SLC35F4: variants seen among roughly 807,000 people sequenced by gnomAD.
The protein encoded by SLC35F4 is solute carrier family 35 member F4, also known as chromosome 14 open reading frame 36.
Under a neutral mutation model 44.2 loss-of-function variants are expected in SLC35F4, and 24 were observed. That is an observed-to-expected ratio of 0.54 (90% CI 0.39 to 0.76). The LOEUF (loss-of-function observed/expected upper bound fraction) is 0.76. Among genes scored for constraint, SLC35F4 ranks in the 30% least tolerant of loss-of-function variants. SLC35F4 has a pLI of 0.00. For synonymous variants in SLC35F4, 238 were observed against 223.6 expected, an observed-to-expected ratio of 1.06 and a Z score of -0.57; for missense variants, 562 against 586.1, an observed-to-expected ratio of 0.96 and a Z score of 0.42.
At chr14:57,743,170 A>T (rs1351838009) in intron 1 of SLC35F4, among the ~76,000 whole-genome samples, 1 of 152,228 alleles carries the variant, frequency 6.6e-6, no homozygotes, top group African/African-American at 2.4e-5. Context: ...GAACTAGAGA[A>T]TCAAGAGCAA....
intron 1 of SLC35F4, among the ~76,000 whole-genome samples, chr14:57,712,638 C>A (rs1277707362): frequency 6.6e-6 from 1 of 152,162 alleles, no homozygotes; most frequent in Non-Finnish European, 1.5e-5. Context: ...CAGTTAATTA[C>A]CTTCTTCATT....
chr14:57,595,494 A>C (rs2070437490), intron 1 of SLC35F4, among the ~76,000 whole-genome samples: 1 of 152,030 alleles, frequency 6.6e-6, no homozygotes, highest in African/African-American at 2.4e-5. Context: ...TGGTGTGGGG[A>C]AGAGAGGGTG....
chr14:57,876,251 CTG>C lies in SLC35F4; in HGVS notation n.282+105660_282+105661del, dbSNP rs200328581. ...CCACAACCAAGATGAAAAGGGAAACCTGTAAAGTTACGGCATTCTAACTTACC... is the reference window on the plus strand; with the variant it reads ...CCACAACCAAGATGAAAAGGGAAACCTAAAGTTACGGCATTCTAACTTACC... On this transcript the variant is annotated intron_variant and non_coding_transcript_variant, in intron 1 of 1. Transcript: ENST00000556568. 3.3e-5 allele frequency among the ~76,000 whole-genome samples: 5 copies of C among 152,252 alleles called. No homozygotes were observed. In the East Asian group the frequency reaches 9.6e-4, roughly 29 times the overall value.
intron 1 of SLC35F4, among the ~76,000 whole-genome samples, chr14:57,945,364 C>A (rs1890005184): frequency 2.0e-5 from 3 of 151,398 alleles, no homozygotes; most frequent in Admixed American, 6.6e-5. Flanking sequence ...GAAATGAATT[C>A]CCCCTGCAAT....
At chr14:57,779,098 C>G (rs1396957300) in intron 1 of SLC35F4, among the ~76,000 whole-genome samples, 1 of 151,546 alleles carries the variant, frequency 6.6e-6, no homozygotes, top group East Asian at 1.9e-4. Flanking sequence ...CCAAAGCTAG[C>G]AGAAGACAAA....
chr14:57,593,012 T>C lies in SLC35F4; in HGVS notation c.289+927A>G, dbSNP rs2070283906. On this transcript the variant is annotated intron_variant, in intron 2 of 7. Transcript: ENST00000556826. ...GCCAGAAGAGATGTAGGTAGGGCTATCATGGACACAGGTAGGGGGCTAAAA... is the reference window on the plus strand; with the variant it reads ...GCCAGAAGAGATGTAGGTAGGGCTACCATGGACACAGGTAGGGGGCTAAAA... 3.3e-5 allele frequency among the ~76,000 whole-genome samples: 5 copies of C among 152,282 alleles called. No individual in the cohort carries two copies. The South Asian group carries it at 1.0e-3, about 32-fold the overall frequency.
intron 2 of SLC35F4, 151 bp downstream of exon 2, chr14:57,593,788 C>T: frequency 1.2e-6 from 1 of 824,896 alleles, no homozygotes; most frequent in Non-Finnish European, 1.9e-6. Context: ...ATATATTTCC[C>T]TGCTTCCTTA....
intron 1 of SLC35F4, among the ~76,000 whole-genome samples, chr14:57,744,222 C>T (rs1288878243): frequency 2.0e-5 from 3 of 152,068 alleles, no homozygotes; most frequent in Non-Finnish European, 2.9e-5. Flanking sequence ...GAAGTTCTGG[C>T]CAGGGTAATC....
At chr14:57,983,163 A>G (rs1279417441), upstream of SLC35F4, among the ~76,000 whole-genome samples, 1 of 152,256 alleles carries the variant, frequency 6.6e-6, no homozygotes, top group East Asian at 1.9e-4. Context: ...AGGAGACAGG[A>G]GGAGTCTGGC....
chr14:57,980,901 T>TTA (rs1392598519), intron 1 of SLC35F4, among the ~76,000 whole-genome samples: 1 of 152,202 alleles, frequency 6.6e-6, no homozygotes, highest in Admixed American at 6.5e-5. Context: ...CAGGAAGTTC[T>TTA]TTTGGAAGGT....
rs184587171 is a variant in SLC35F4, at chr14:57,665,482, A to G, written c.104-71358T>C. 1.7e-3 allele frequency among the ~76,000 whole-genome samples: 262 copies of G among 152,298 alleles called. 1 individual carries two copies. The highest frequency in any genetic ancestry group is 6.0e-3 in the African/African-American group (248 of 41,570). On this transcript the variant is annotated intron_variant, in intron 1 of 7. Transcript: ENST00000556826. Reference sequence around the variant, plus strand: ...GGCAACTAAAGTTCAGGGATGATAAATAACTTGTTCAAGGTCACCCAGACA... The same window carrying G: ...GGCAACTAAAGTTCAGGGATGATAAGTAACTTGTTCAAGGTCACCCAGACA...
intron 1 of SLC35F4, among the ~76,000 whole-genome samples, chr14:57,669,646 T>C (rs1349398426): frequency 6.6e-6 from 1 of 152,116 alleles, no homozygotes; most frequent in Non-Finnish European, 1.5e-5. Flanking sequence ...TTGATTTGCA[T>C]CTGTTGAACC....
At chr14:57,927,487 TTTC>T (rs1212965866) in intron 1 of SLC35F4, among the ~76,000 whole-genome samples, 3 of 151,458 alleles carry the variant, frequency 2.0e-5, no homozygotes, top group East Asian at 2.1e-4. Context: ...TTTAATTACT[TTTC>T]TTCTTCTTTT....
intron 1 of SLC35F4, among the ~76,000 whole-genome samples, chr14:57,821,148 G>C (rs1161706685): frequency 1.3e-5 from 2 of 152,226 alleles, no homozygotes; most frequent in East Asian, 3.9e-4. Context: ...AACAATGCTA[G>C]TTCAGCCACA....
intron 1 of SLC35F4, among the ~76,000 whole-genome samples, chr14:57,833,098 T>C (rs1202063868): frequency 6.6e-6 from 1 of 152,222 alleles, no homozygotes; most frequent in Non-Finnish European, 1.5e-5. Context: ...AAGTTCTCTA[T>C]TTAGAGCTAG....
intron 1 of SLC35F4, among the ~76,000 whole-genome samples, chr14:57,687,447 T>C (rs2033645815): frequency 6.6e-6 from 1 of 152,184 alleles, no homozygotes; most frequent in Admixed American, 6.5e-5. Context: ...TGAACACTGG[T>C]ATTCTTTGTC....
intron 1 of SLC35F4, among the ~76,000 whole-genome samples, chr14:57,780,886 C>T (rs1338218917): frequency 6.6e-6 from 1 of 151,632 alleles, no homozygotes; most frequent in Non-Finnish European, 1.5e-5. Flanking sequence ...GAAACTGGAC[C>T]ACTTCCTTAT....
chr14:57,873,996 C>G (rs1049102260), intron 1 of SLC35F4, among the ~76,000 whole-genome samples: 1 of 152,172 alleles, frequency 6.6e-6, no homozygotes, highest in African/African-American at 2.4e-5. Flanking sequence ...TTTGTAAAAT[C>G]TCAAAGTAGC....
chr14:57,646,392 T>G (rs1326717288), intron 1 of SLC35F4, among the ~76,000 whole-genome samples: 1 of 152,200 alleles, frequency 6.6e-6, no homozygotes, highest in African/African-American at 2.4e-5. Flanking sequence ...TTCTTCTAGA[T>G]TTTCTAGTTT....
Sources: gnomAD v4.1 joint callset for allele counts (sites outside exome capture counted in the v4.1 genomes callset) on GRCh38, gnomAD v4.1.1 for gene constraint, MANE v1.5 for transcripts, NCBI Gene and HGNC (gene_info 2026-07-23, HGNC 2026-07-21) for gene names.